DCC: variants seen among roughly 807,000 people sequenced by gnomAD.
DCC encodes netrin receptor DCC.
DCC carries 58 observed loss-of-function variants against 172.5 expected under a neutral mutation model. The observed-to-expected ratio is 0.34, with a 90% CI of 0.27 to 0.42. DCC has a LOEUF of 0.42. Among genes scored for constraint, DCC ranks in the 10% least tolerant of loss-of-function variants. DCC has a pLI of 1.00. For missense variants in DCC, 1,740 were observed against 1,791.0 expected, an observed-to-expected ratio of 0.97 and a Z score of 0.51; for synonymous variants, 709 against 644.5, an observed-to-expected ratio of 1.10 and a Z score of -1.52.
chr18:52,835,264 C>G (rs1296860973), intron 2 of DCC, among the ~76,000 whole-genome samples: 1 of 152,032 alleles, frequency 6.6e-6, no homozygotes, highest in Non-Finnish European at 1.5e-5. Context: ...TATTACAATC[C>G]TCTTTGTTTT....
rs538846252 is a variant in DCC, at chr18:53,308,478, C to T, written c.2053+2759C>T. Among the ~76,000 whole-genome samples, 34 of 152,136 alleles carry T rather than the reference C, an allele frequency of 2.2e-4. 1 individual carries two copies. The South Asian group carries it at 6.6e-3, about 30-fold the overall frequency. On this transcript the variant is annotated intron_variant, in intron 13 of 28. Coordinates refer to ENST00000442544, the MANE Select transcript of DCC (RefSeq NM_005215.4). The stretch of plus-strand genomic sequence containing the variant: ...TAAGTTAAAAATATTACAATTTTTG[C>T]TTTCAAAAATTGAAGATTTCTTCCC...
intron 9 of DCC, among the ~76,000 whole-genome samples, chr18:53,188,470 C>T (rs943206355): frequency 1.3e-5 from 2 of 152,284 alleles, no homozygotes; most frequent in Non-Finnish European, 2.9e-5. Flanking sequence ...AAGGATCATA[C>T]TGCTTGTTTT....
At chr18:52,755,010 G>C (rs1205759412) in intron 2 of DCC, among the ~76,000 whole-genome samples, 1 of 152,302 alleles carries the variant, frequency 6.6e-6, no homozygotes, top group Admixed American at 6.5e-5. Flanking sequence ...TGAGTATAAA[G>C]TGTAGAGAGA....
intron 1 of DCC, among the ~76,000 whole-genome samples, chr18:52,628,244 A>G (rs562107954): frequency 6.6e-6 from 1 of 152,242 alleles, no homozygotes; most frequent in African/African-American, 2.4e-5. Context: ...CCTTTTTCTC[A>G]TAGAAAATTT....
intron 1 of DCC, among the ~76,000 whole-genome samples, chr18:52,608,004 C>A (rs1014404255): frequency 7.2e-5 from 11 of 152,130 alleles, no homozygotes; most frequent in African/African-American, 2.7e-4. Context: ...CATGGAGGAA[C>A]CTCCGGGCCC....
intron 21 of DCC, among the ~76,000 whole-genome samples, chr18:53,418,403 A>G (rs569058046): frequency 1.3e-5 from 2 of 152,286 alleles, no homozygotes; most frequent in African/African-American, 4.8e-5. Context: ...TAATAGGAAG[A>G]GGCTGATCTT....
At chr18:53,408,418 C>T (rs1418088805) in intron 19 of DCC, among the ~76,000 whole-genome samples, 2 of 152,146 alleles carry the variant, frequency 1.3e-5, no homozygotes, top group Admixed American at 6.6e-5. Context: ...GGCCAGAAAC[C>T]ACCCTCAGTT....
At chr18:53,192,969 A>G (rs1262650279) in intron 9 of DCC, among the ~76,000 whole-genome samples, 1 of 151,956 alleles carries the variant, frequency 6.6e-6, no homozygotes, top group Non-Finnish European at 1.5e-5. Flanking sequence ...CTTACCACCA[A>G]TCCAAGTCCT....
chr18:52,661,280 A>G (rs1180951549), intron 1 of DCC, among the ~76,000 whole-genome samples: 1 of 152,198 alleles, frequency 6.6e-6, no homozygotes, highest in Non-Finnish European at 1.5e-5. Flanking sequence ...GCAAAGGGAC[A>G]TTAGACATTA....
chr18:52,566,718 A>G (rs2033169219), intron 1 of DCC, among the ~76,000 whole-genome samples: 1 of 152,148 alleles, frequency 6.6e-6, no homozygotes, highest in African/African-American at 2.4e-5. Context: ...ACGAGACTGA[A>G]GAAGGCCTAA....
chr18:53,454,142 G>A (rs1031020498), intron 23 of DCC, among the ~76,000 whole-genome samples: 2 of 152,186 alleles, frequency 1.3e-5, no homozygotes, highest in Non-Finnish European at 2.9e-5. Context: ...GAGACCAGGA[G>A]TTTGAGACCA....
chr18:53,429,896 C>A (rs10163836), intron 21 of DCC, among the ~76,000 whole-genome samples: 1 of 151,816 alleles, frequency 6.6e-6, no homozygotes, highest in Non-Finnish European at 1.5e-5. Flanking sequence ...TAGTTCTTTT[C>A]TATTAAAATA....
At chr18:52,587,865 G>C (rs1419033652) in intron 1 of DCC, among the ~76,000 whole-genome samples, 7 of 152,146 alleles carry the variant, frequency 4.6e-5, no homozygotes, top group African/African-American at 1.7e-4. Context: ...GGTACAGGCT[G>C]GGGATGAGAA....
At position 52,531,210 on chromosome 18, in the gene DCC, G is replaced by A. The variant is rs181555688; in HGVS notation, c.91+190332G>A. On this transcript the variant is annotated intron_variant, in intron 1 of 28. Transcript: ENST00000442544. ...AACTGATGAGTCAAGCAAGCTACCT[G>A]GTGTATTATCAGTTCCTTCAAACTT... Among the ~76,000 whole-genome samples, 16 of 152,222 alleles carry A rather than the reference G, an allele frequency of 1.1e-4. No homozygotes were observed. In the East Asian group the frequency reaches 2.9e-3, roughly 28 times the overall value.
chr18:52,361,463 A>C (rs370672650), intron 1 of DCC, among the ~76,000 whole-genome samples: 1 of 152,248 alleles, frequency 6.6e-6, no homozygotes, highest in African/African-American at 2.4e-5. Context: ...TTTAGACAAC[A>C]AAAGACATGA....
intron 1 of DCC, among the ~76,000 whole-genome samples, chr18:52,552,393 A>T (rs899826058): frequency 6.6e-6 from 1 of 152,092 alleles, no homozygotes; most frequent in Admixed American, 6.6e-5. Context: ...TGAGTTGAGG[A>T]TACAGTTTTA....
intron 1 of DCC, among the ~76,000 whole-genome samples, chr18:52,692,775 T>C (rs2035948305): frequency 6.6e-6 from 1 of 152,092 alleles, no homozygotes; most frequent in South Asian, 2.1e-4. Context: ...CATTTCTAAA[T>C]TCATGGTGGG....
chr18:53,373,658 TGTTA>T (rs1365194551), intron 15 of DCC, among the ~76,000 whole-genome samples: 4 of 152,298 alleles, frequency 2.6e-5, no homozygotes, highest in Admixed American at 6.5e-5. Flanking sequence ...TGTCCCTTTT[TGTTA>T]GTTACAATTT....
Position 53,066,247 on chromosome 18 carries a change from T to C in DCC, c.1261+81T>C. The C allele has an allele frequency of 1.4e-6, 2 of 1,410,512 alleles. 1 individual carries two copies. The allele number at this position is 1,410,512 out of a possible 1,614,324, so 87.4% of individuals were successfully genotyped here. ...TTGGTAAAATCCATATTGTTTTTCC[T>C]ACCCCTCAAGGGCAATATGGCAATA... On this transcript the variant is annotated intron_variant, in intron 7 of 28. Coordinates refer to ENST00000442544, the MANE Select transcript of DCC (RefSeq NM_005215.4).
Sources: allele counts gnomAD v4.1 joint callset (sites outside exome capture counted in the v4.1 genomes callset), GRCh38; gene constraint gnomAD v4.1.1; transcripts MANE v1.5; gene names NCBI Gene and HGNC (gene_info 2026-07-23, HGNC 2026-07-21).